Variants in NCS1 observed in about 807,000 individuals in gnomAD.
NCS1 encodes the protein neuronal calcium sensor 1.
A neutral mutation model predicts 28.4 loss-of-function variants in NCS1; 6 were observed. That is an observed-to-expected ratio of 0.21 (90% confidence interval 0.12 to 0.42). The LOEUF (loss-of-function observed/expected upper bound fraction) is 0.42, where lower values mean the gene tolerates loss of function less well. Ranked by LOEUF, NCS1 falls within the 10% of genes least tolerant of loss-of-function variation. The pLI is 1.00. For synonymous variants in NCS1, 86 were observed against 99.3 expected, an observed-to-expected ratio of 0.87 and a Z score of 0.79; for missense variants, 131 against 241.4, an observed-to-expected ratio of 0.54 and a Z score of 3.03.
chr9:130,222,997 C>A, intron 5 of NCS1, 85 bp from the exon 6 acceptor site: 3 of 1,197,268 alleles, frequency 2.5e-6, no homozygotes, highest in Non-Finnish European at 3.7e-6. Context: ...CATCTGGAAA[C>A]TGCCAGGTCT....
At position 130,207,625 on chromosome 9, in the gene NCS1, C is replaced by T. The variant is rs529170933; in HGVS notation, c.89+6643C>T. ...AGTGATTCTGTGATTTGTCCTGGGC[C>T]GCAAAGTCAGTAGAAGCAGAGCCTG... is the stretch of plus-strand genomic sequence containing the variant. On this transcript the variant is annotated intron_variant, in intron 2 of 7. Transcript: ENST00000372398. 5.3e-5 allele frequency among the ~76,000 whole-genome samples: 8 copies of T among 152,322 alleles called. No homozygotes were observed. In the South Asian group the frequency reaches 8.3e-4, roughly 16 times the overall value.
chr9:130,181,291 C>A lies in NCS1; in HGVS notation c.64+8564C>A, dbSNP rs570301942. On this transcript the variant is annotated intron_variant, in intron 1 of 7. Transcript: ENST00000372398. This position sits in a 1 kb window ranked among gnomAD's most constrained non-coding sequence, Gnocchi z 5.0. ...GATAAGGGACTTCTACTACACAGAG[C>A]CGTGTGCGGGGTTAGGAATAACAGA... Among the ~76,000 whole-genome samples, 2 of 152,256 alleles carry A rather than the reference C, an allele frequency of 1.3e-5. No individual in the cohort carries two copies. Among genetic ancestry groups the A allele is most frequent in the South Asian group, 4.1e-4 (2 of 4,824 alleles).
At chr9:130,194,343 A>AGGCTGTGGGCACTGCGGGTGCTTCCT (rs1554906547) in intron 1 of NCS1, among the ~76,000 whole-genome samples, 2 of 150,362 alleles carry the variant, frequency 1.3e-5, no homozygotes, top group East Asian at 2.0e-4. Context: ...GGTGGAAAGG[A>AGGCTGTGGGCACTGCGGGTGCTTCCT]GGCTGTGGGC....
chr9:130,205,819 G>A (rs889964954), intron 2 of NCS1, among the ~76,000 whole-genome samples: 46 of 151,174 alleles, frequency 3.0e-4, no homozygotes, highest in African/African-American at 1.1e-3. Flanking sequence ...AGGTGACAGA[G>A]TGAGACCCTG....
intron 2 of NCS1, among the ~76,000 whole-genome samples, chr9:130,208,522 A>ACCTCGGCCTCCCAAAGTGC (rs1833061662): frequency 1.3e-5 from 2 of 151,906 alleles, no homozygotes; most frequent in Non-Finnish European, 2.9e-5. Context: ...GGAAATGCCC[A>ACCTCGGCCTCCCAAAGTGC]CCTCGGCCTC....
intron 1 of NCS1, among the ~76,000 whole-genome samples, chr9:130,199,098 CTTT>C (rs10712829): frequency 5.5e-5 from 8 of 145,142 alleles, no homozygotes; most frequent in East Asian, 2.0e-4. Flanking sequence ...CTCTCTTTCT[CTTT>C]TTTTTTTTTT....
At chr9:130,228,211 G>A (rs1424380182) in intron 7 of NCS1, among the ~76,000 whole-genome samples, 7 of 151,152 alleles carry the variant, frequency 4.6e-5, no homozygotes, top group African/African-American at 1.7e-4. Flanking sequence ...CTGCGACTGG[G>A]TCTCACTCTG....
intron 1 of NCS1, among the ~76,000 whole-genome samples, chr9:130,199,461 G>A (rs868938345): frequency 5.9e-5 from 9 of 152,224 alleles, no homozygotes; most frequent in African/African-American, 2.2e-4. Flanking sequence ...ATTTGGGCTT[G>A]TGGGAGGAGA....
At chr9:130,227,014 C>T (rs1178016086) in intron 7 of NCS1, among the ~76,000 whole-genome samples, 4 of 134,598 alleles carry the variant, frequency 3.0e-5, no homozygotes, top group African/African-American at 1.1e-4. Flanking sequence ...CAGAGTGAGA[C>T]TCCATCTCAA....
At chr9:130,222,111 TAC>T (rs1317974139) in intron 4 of NCS1, among the ~76,000 whole-genome samples, 642 of 36,196 alleles carry the variant, frequency 0.018, 43 homozygotes, top group African/African-American at 0.049. Context: ...TATATATATA[TAC>T]GTATATATAT....
At chr9:130,173,006 G>A (rs1832508294) in intron 1 of NCS1, among the ~76,000 whole-genome samples, 1 of 152,100 alleles carries the variant, frequency 6.6e-6, no homozygotes, top group Non-Finnish European at 1.5e-5. Flanking sequence ...GCCCCCTGGC[G>A]GCCCCCTCTC....
chr9:130,216,682 C>T (rs1554909427), intron 2 of NCS1, among the ~76,000 whole-genome samples: 1 of 150,770 alleles, frequency 6.6e-6, no homozygotes, highest in Non-Finnish European at 1.5e-5. Flanking sequence ...TGCCACTGCA[C>T]TCCAGCCTGG....
chr9:130,234,595 C>A lies in NCS1; in HGVS notation c.*1623C>A. On this transcript the variant is annotated 3_prime_UTR_variant, in exon 8 of 8. Transcript: ENST00000372398. This position sits in a 1 kb window ranked among gnomAD's most constrained non-coding sequence, Gnocchi z 6.1. ...ATCATGTCACTCTAGGCCTGGGGTT[C>A]AGTTTCCTGTGGCTGGTGATGCTGT... 6.6e-6 allele frequency: 1 copy of A among 152,444 alleles called. No homozygotes were observed. The allele number at this position is 152,444 out of a possible 1,614,324, so 9.4% of individuals were successfully genotyped here.
Position 130,219,806 on chromosome 9 carries a change from A to G in NCS1, c.307+3A>G. ...AACCCTGGATGAGAAGCTACGGTGT[A>G]AGTCCTGCCCCCTTGGCCCTGTGTG... On this transcript the variant is annotated splice_donor_region_variant and intron_variant, in intron 4 of 7. Transcript: ENST00000372398. This position sits in a 1 kb window ranked among gnomAD's most constrained non-coding sequence, Gnocchi z 5.7. The G allele has an allele frequency of 1.9e-6, 3 of 1,614,112 alleles. No homozygotes were observed. The highest frequency in any genetic ancestry group is 2.5e-6 in the Non-Finnish European group (3 of 1,179,984).
Position 130,192,362 on chromosome 9 carries a change from G to A in NCS1, c.65-8596G>A, listed in dbSNP as rs924173868. Among the ~76,000 whole-genome samples the A allele has an allele frequency of 2.0e-5, 3 of 152,060 alleles. No homozygotes were observed. The highest frequency in any genetic ancestry group is 4.4e-5 in the Non-Finnish European group (3 of 68,016). ...TCGAGGGTTAATGAGTCTGGGGCCC[G>A]GCCACGTTGTCTGGCCCAGAGCCTG... On this transcript the variant is annotated intron_variant, in intron 1 of 7. Coordinates refer to ENST00000372398, the MANE Select transcript of NCS1 (RefSeq NM_014286.4). The surrounding 1 kb of genome is among the most constrained non-coding windows in gnomAD (Gnocchi z 4.8).
intron 2 of NCS1, among the ~76,000 whole-genome samples, chr9:130,201,987 C>T (rs1479414058): frequency 7.2e-5 from 11 of 152,232 alleles, no homozygotes; most frequent in Admixed American, 6.5e-4. Context: ...CAGCCCAAGT[C>T]GCCTCCACCA....
In NCS1 at chr9:130,215,909, C is replaced by T. The variant is rs552463144; in HGVS notation, c.90-1923C>T. ...ACTCAAGAAGAACTGCCCTCCCTCC[C>T]ACATCCTGCTCCCTCTTCTCTGCCC... On this transcript the variant is annotated intron_variant, in intron 2 of 7. Transcript: ENST00000372398. This position sits in a 1 kb window ranked among gnomAD's most constrained non-coding sequence, Gnocchi z 4.2. Among the ~76,000 whole-genome samples the T allele has an allele frequency of 1.3e-5, 2 of 152,220 alleles. No individual in the cohort carries two copies. Among genetic ancestry groups the T allele is most frequent in the African/African-American group, 4.8e-5 (2 of 41,542 alleles).
Position 130,180,273 on chromosome 9 carries a change from G to A in NCS1, c.64+7546G>A, listed in dbSNP as rs1217389487. 1.3e-5 allele frequency among the ~76,000 whole-genome samples: 2 copies of A among 151,958 alleles called. No homozygotes were observed. The highest frequency in any genetic ancestry group is 4.8e-5 in the African/African-American group (2 of 41,376). On this transcript the variant is annotated intron_variant, in intron 1 of 7. Coordinates refer to ENST00000372398, the MANE Select transcript of NCS1 (RefSeq NM_014286.4). This position sits in a 1 kb window ranked among gnomAD's most constrained non-coding sequence, Gnocchi z 4.5. The stretch of plus-strand genomic sequence containing the variant: ...GGTCTCAAACTCCTAGCCTCAAGTG[G>A]TGCACCCACCTTGGCCTCCCAAAGT...
At chr9:130,182,227 A>G (rs1416722847) in intron 1 of NCS1, among the ~76,000 whole-genome samples, 2 of 152,180 alleles carry the variant, frequency 1.3e-5, no homozygotes, top group Non-Finnish European at 2.9e-5. Context: ...AAGTCCCCCC[A>G]GCCAGCCAAT....
Sources: gnomAD v4.1 joint callset for allele counts (sites outside exome capture counted in the v4.1 genomes callset) on GRCh38, gnomAD v4.1.1 for gene constraint, Gnocchi (gnomAD v3.1) non-coding constraint, MANE v1.5 for transcripts, NCBI Gene and HGNC (gene_info 2026-07-23, HGNC 2026-07-21) for gene names.